The following NDUFS8 variants were observed in gnomAD, a reference collection of about 807,000 sequenced individuals.
NDUFS8 encodes NADH:ubiquinone oxidoreductase core subunit S8.
Under a neutral mutation model 25.6 loss-of-function variants are expected in NDUFS8, and 13 were observed. The ratio of observed to expected loss-of-function variants is 0.51; its 90% confidence interval spans 0.33 to 0.81. NDUFS8 has a LOEUF of 0.81. Ranked by LOEUF, NDUFS8 falls within the 30% of genes least tolerant of loss-of-function variation. The pLI is 0.02. For missense variants in NDUFS8, 257 were observed against 300.9 expected, an observed-to-expected ratio of 0.85 and a Z score of 1.08; for synonymous variants, 119 against 119.4, an observed-to-expected ratio of 1.00 and a Z score of 0.02.
intron 5 of NDUFS8, 88 bp from the exon 6 acceptor site, chr11:68,036,165 C>A: frequency 6.3e-7 from 1 of 1,598,334 alleles, no homozygotes; most frequent in Admixed American, 1.7e-5. Context: ...TCTGGCAGAC[C>A]CCAGGGGTGG....
chr11:68,031,728 G>C (rs1277768108), intron 1 of NDUFS8: 4 of 337,554 alleles, frequency 1.2e-5, no homozygotes, highest in South Asian at 2.4e-5. Flanking sequence ...TAGGATGGCA[G>C]CGCTTTCCAC....
At position 68,032,320 on chromosome 11, in the gene NDUFS8, AGTGG is replaced by A; in HGVS notation, c.94_97del (p.Val32GlnfsTer7). 6.2e-7 allele frequency: 1 copy of A among 1,613,528 alleles called. No homozygotes were observed. The highest frequency in any genetic ancestry group is 8.5e-7 in the Non-Finnish European group (1 of 1,180,008). On this transcript the variant is annotated frameshift_variant, in exon 3 of 7. Coordinates refer to ENST00000313468, the MANE Select transcript of NDUFS8 (RefSeq NM_002496.4). LOFTEE classifies it high-confidence loss of function. Reference sequence around the variant, plus strand: ...GTGGCCGGAGCCTCCACAGCAGTGCAGTGGCAGCCACCTACAGTGAGTACCTGGG... The same window carrying A: ...GTGGCCGGAGCCTCCACAGCAGTGCACAGCCACCTACAGTGAGTACCTGGG...
intron 5 of NDUFS8, 153 bp downstream of exon 5, chr11:68,033,436 G>A (rs1264388504): frequency 5.5e-6 from 5 of 912,028 alleles, no homozygotes; most frequent in Non-Finnish European, 8.6e-6. Context: ...GAATGGGAAT[G>A]ATGAGGGCTT....
intron 5 of NDUFS8, chr11:68,036,017 CAAAAAAAAAAAAA>C (rs56359843): frequency 1.3e-3 from 487 of 371,762 alleles, no homozygotes; most frequent in East Asian, 1.9e-3. Context: ...GACTCTATCT[CAAAAAAAAAAAAA>C]AAAAAAAAAA....
chr11:68,035,780 G>A (rs1854874554), intron 5 of NDUFS8: 1 of 450,720 alleles, frequency 2.2e-6, no homozygotes, highest in Non-Finnish European at 4.4e-6. Context: ...AGCACTTTGG[G>A]AGTCCAAGGT....
At position 68,033,165 on chromosome 11, in the gene NDUFS8, C is replaced by T. The variant is rs121912639; in HGVS notation, c.254C>T (p.Pro85Leu). 3.1e-6 allele frequency: 5 copies of T among 1,612,626 alleles called. No homozygotes were observed. Among genetic ancestry groups the T allele is most frequent in the Non-Finnish European group, 4.2e-6 (5 of 1,179,700 alleles). The change falls in exon 5 of 7, where the codon CCG becomes CTG. Residue 85 changes from proline (P) to leucine (L), a missense_variant. Pro to Leu is a moderately conservative substitution (Grantham distance 98). Transcript: ENST00000313468. ...LFREPATINY[P>L]FEKGPLSPRF... ...CGGGAACCGGCCACCATCAACTACC[C>T]GTTCGAGAAGGGCCCGCTGAGCCCT...
At chr11:68,036,040 A>AC (rs1854882260) in intron 5 of NDUFS8, 1 of 485,442 alleles carries the variant, frequency 2.1e-6, no homozygotes, top group East Asian at 4.1e-5. Context: ...AAAAAAAAAA[A>AC]AACCAGCAAG....
In NDUFS8 at chr11:68,033,120, T is replaced by G; in HGVS notation, c.209T>G (p.Met70Arg). The change falls in exon 5 of 7, where the codon ATG (methionine) becomes AGG (arginine). Residue 70 changes from methionine to arginine, a missense_variant. By Grantham distance (91) the Met-to-Arg change is moderately conservative. Transcript: ENST00000313468. ...CCCGTGCTGCCCACAGGCCTGGGCA[T>G]GACCCTGAGCTACCTGTTCCGGGAA... ...LWTELFRGLG[M>R]TLSYLFREPA... 1 of 1,613,012 alleles carries G rather than the reference T, an allele frequency of 6.2e-7. No homozygotes were observed. Among genetic ancestry groups the G allele is most frequent in the Non-Finnish European group, 8.5e-7 (1 of 1,179,830 alleles).
chr11:68,033,469 G>A (rs1013863793), intron 5 of NDUFS8, 186 bp downstream of exon 5: 20 of 761,110 alleles, frequency 2.6e-5, no homozygotes, highest in Non-Finnish European at 4.0e-5. Context: ...CAGAGTCAGT[G>A]AGTTGGCAGA....
intron 6 of NDUFS8, 38 bp from the exon 7 acceptor site, chr11:68,036,424 G>GC: frequency 1.2e-6 from 2 of 1,613,870 alleles, no homozygotes; most frequent in South Asian, 2.2e-5. Context: ...AGGCTCCTCA[G>GC]CAGGGCCTAA....
Position 68,033,273 on chromosome 11 carries a change from G to A in NDUFS8, c.362G>A (p.Cys121Tyr). ...CIACKLCEAI[C>Y]PAQAITIEAE... ...GCCTGCAAGCTCTGCGAGGCCATCT[G>A]CCCCGCCCAGGTGAGCCCCTGCCCC... Residue 121 changes from cysteine to tyrosine, a missense_variant, in exon 5 of 7, where the codon TGC (cysteine) becomes TAC (tyrosine). Coordinates refer to ENST00000313468, the MANE Select transcript of NDUFS8 (RefSeq NM_002496.4). 6.2e-7 allele frequency: 1 copy of A among 1,604,736 alleles called. No homozygotes were observed.
At position 68,032,183 on chromosome 11, in the gene NDUFS8, G is replaced by C. The variant is rs763234032; in HGVS notation, c.32G>C (p.Arg11Pro). 9.3e-6 allele frequency: 15 copies of C among 1,613,002 alleles called. No individual in the cohort carries two copies. Among genetic ancestry groups the C allele is most frequent in the Non-Finnish European group, 1.2e-5 (14 of 1,180,030 alleles). The change falls in exon 2 of 7, where the codon CGG becomes CCG. Residue 11 changes from arginine to proline, a missense_variant. Transcript: ENST00000313468. MRCLTTPMLLRALAQAARAGP... is the reference protein window; with the variant it reads MRCLTTPMLLPALAQAARAGP... The stretch of plus-strand genomic sequence containing the variant: ...TGCCTGACCACGCCTATGCTGCTGC[G>C]GGCCCTGGCCCAGGCTGCACGTGCA...
chr11:68,031,778 T>G, intron 1 of NDUFS8: 1 of 374,538 alleles, frequency 2.7e-6, no homozygotes, highest in Non-Finnish European at 5.1e-6. Context: ...CTAACAAAGT[T>G]CGCTCTCAGT....
chr11:68,035,656 C>T, intron 5 of NDUFS8: 1 of 455,140 alleles, frequency 2.2e-6, no homozygotes, highest in South Asian at 1.6e-5. Context: ...GCGGGTGCTA[C>T]ACTGAACAAA....
intron 2 of NDUFS8, 31 bp downstream of exon 2, chr11:68,032,240 G>A: frequency 6.2e-7 from 1 of 1,613,750 alleles, no homozygotes; most frequent in South Asian, 1.1e-5. Flanking sequence ...GCTGGGGGTA[G>A]GGGAGTCCAG....
chr11:68,033,263 G>A lies in NDUFS8; in HGVS notation c.352G>A (p.Glu118Lys), dbSNP rs750777351. Reference sequence around the variant, plus strand: ...GCGTTGCATTGCCTGCAAGCTCTGCGAGGCCATCTGCCCCGCCCAGGTGAG... The same window carrying A: ...GCGTTGCATTGCCTGCAAGCTCTGCAAGGCCATCTGCCCCGCCCAGGTGAG... ...EERCIACKLC[E>K]AICPAQAITI... Residue 118 changes from glutamate to lysine, a missense_variant, in exon 5 of 7, where the codon GAG becomes AAG. By Grantham distance (56) the Glu-to-Lys change is moderately conservative. Transcript: ENST00000313468. 7.5e-6 allele frequency: 12 copies of A among 1,607,318 alleles called. No individual in the cohort carries two copies. Among genetic ancestry groups the A allele is most frequent in the African/African-American group, 4.0e-5 (3 of 75,008 alleles).
chr11:68,030,689 A>C lies in NDUFS8; in HGVS notation c.-45A>C, dbSNP rs4147776. The C allele has an allele frequency of 0.011, 3,534 of 329,100 alleles. 69 individuals are homozygous for C. The highest frequency in any genetic ancestry group is 0.074 in the East Asian group (703 of 9,466). 20.4% of individuals were successfully genotyped at this position (329,100 alleles called of 1,614,324 possible). ...CCTACAGTGTAGCCTCCGCCTCCCGATTGACTGGCCTGCTTGGCAAGGCAA... is the reference window on the plus strand; with the variant it reads ...CCTACAGTGTAGCCTCCGCCTCCCGCTTGACTGGCCTGCTTGGCAAGGCAA... On this transcript the variant is annotated 5_prime_UTR_variant, in exon 1 of 7. Coordinates refer to ENST00000313468, the MANE Select transcript of NDUFS8 (RefSeq NM_002496.4).
At chr11:68,030,889 A>AGACGGCCCTCAGGGC in intron 1 of NDUFS8, 156 bp downstream of exon 1, 1 of 331,246 alleles carries the variant, frequency 3.0e-6, no homozygotes, top group Non-Finnish European at 6.2e-6. Context: ...TGCAGCGGGG[A>AGACGGCCCTCAGGGC]GCCGGCTCTC....
chr11:68,032,471 A>C, intron 3 of NDUFS8, 135 bp downstream of exon 3: 1 of 1,545,214 alleles, frequency 6.5e-7, no homozygotes, highest in Non-Finnish European at 8.7e-7. Flanking sequence ...TAAAATGATT[A>C]TGGTGATGGA....
Sources: allele counts gnomAD v4.1 joint callset, GRCh38; gene constraint gnomAD v4.1.1; transcripts MANE v1.5; gene names NCBI Gene and HGNC (gene_info 2026-07-23, HGNC 2026-07-21).